The following ANK3 variants were observed in gnomAD, a reference collection of about 807,000 sequenced individuals.
ANK3 encodes ankyrin-3.
A neutral mutation model predicts 370.9 loss-of-function variants in ANK3; 57 were observed. The observed-to-expected ratio is 0.15, with a 90% CI of 0.12 to 0.19. The LOEUF (loss-of-function observed/expected upper bound fraction) is 0.19. ANK3 is among the 10% of genes least tolerant of loss of function. The pLI is 1.00. For synonymous variants in ANK3, 1,929 were observed against 1,946.3 expected (o/e 0.99, Z 0.23); for missense variants, 4,439 against 5,302.1 (o/e 0.84, Z 5.06).
chr10:60,380,118 T>C (rs962105770), intron 1 of ANK3, among the ~76,000 whole-genome samples: 1 of 152,186 alleles, frequency 6.6e-6, no homozygotes, highest in Non-Finnish European at 1.5e-5. Context: ...ATTATAGTAC[T>C]GTTAAGGTAG....
chr10:60,684,408 T>C, intron 1 of ANK3: 1 of 676,818 alleles, frequency 1.5e-6, no homozygotes, highest in Non-Finnish European at 2.4e-6. Flanking sequence ...GAGGGAAGGA[T>C]GGTTAGTCAA....
At position 60,027,223 on chromosome 10, in the gene ANK3, TTAGA is replaced by T. The variant is rs2072444825; in HGVS notation, c.*2619_*2622del. 1 of 151,672 alleles carries T rather than the reference TTAGA, an allele frequency of 6.6e-6. No individual in the cohort carries two copies. Among genetic ancestry groups the T allele is most frequent in the Non-Finnish European group, 1.5e-5 (1 of 67,960 alleles). The allele number at this position is 151,672 out of a possible 1,614,324, so 9.4% of individuals were successfully genotyped here. The stretch of plus-strand genomic sequence containing the variant: ...AGACTGAGTCAGAAATTCGTAACTC[TTAGA>T]TAGGAAGTTAGGACACCTATATTCT... On this transcript the variant is annotated 3_prime_UTR_variant, in exon 44 of 44. Coordinates refer to ENST00000280772, the MANE Select transcript of ANK3 (RefSeq NM_020987.5).
intron 42 of ANK3, chr10:60,044,391 A>G: frequency 4.4e-6 from 4 of 910,644 alleles, no homozygotes; most frequent in Non-Finnish European, 5.2e-6. Context: ...CTAGATGGAG[A>G]AATCTCCACA....
intron 42 of ANK3, among the ~76,000 whole-genome samples, chr10:60,046,829 T>C (rs958269054): frequency 2.3e-5 from 3 of 130,684 alleles, no homozygotes; most frequent in African/African-American, 9.0e-5. Context: ...TTTTTTGAGA[T>C]GGAGTCTCGC....
At chr10:60,305,620 T>C (rs1218909201) in intron 1 of ANK3, among the ~76,000 whole-genome samples, 3 of 152,184 alleles carry the variant, frequency 2.0e-5, no homozygotes, top group Non-Finnish European at 4.4e-5. Context: ...CCAGGATAAA[T>C]AATCCCTACT....
intron 1 of ANK3, among the ~76,000 whole-genome samples, chr10:60,679,292 C>T (rs1404926823): frequency 6.6e-6 from 1 of 151,998 alleles, no homozygotes; most frequent in Non-Finnish European, 1.5e-5. Flanking sequence ...AGGAGAGGGC[C>T]CCCCTCCCAC....
chr10:60,274,469 A>T (rs549101974), intron 4 of ANK3, among the ~76,000 whole-genome samples: 1 of 152,198 alleles, frequency 6.6e-6, no homozygotes, highest in African/African-American at 2.4e-5. Flanking sequence ...AGAATTACCT[A>T]TTCCCCATTA....
intron 8 of ANK3, among the ~76,000 whole-genome samples, chr10:60,227,597 A>G (rs2097182396): frequency 6.6e-6 from 1 of 152,014 alleles, no homozygotes; most frequent in South Asian, 2.1e-4. Flanking sequence ...ATAGCAGTGT[A>G]TTTTATTTTT....
At chr10:60,344,552 G>A (rs1400767891) in intron 1 of ANK3, among the ~76,000 whole-genome samples, 2 of 152,020 alleles carry the variant, frequency 1.3e-5, no homozygotes, top group African/African-American at 4.8e-5. Flanking sequence ...CCACGCACAC[G>A]GGCCATTATA....
intron 1 of ANK3, among the ~76,000 whole-genome samples, chr10:60,301,264 G>A (rs987264317): frequency 1.3e-4 from 18 of 142,904 alleles, no homozygotes; most frequent in Admixed American, 1.1e-3. Context: ...ACACATGCAC[G>A]CACACATATA....
chr10:60,459,597 G>T (rs1289774092), intron 2 of ANK3, among the ~76,000 whole-genome samples: 1 of 152,038 alleles, frequency 6.6e-6, no homozygotes, highest in Admixed American at 6.6e-5. Flanking sequence ...TTCTCTTTCT[G>T]ACTGATTGCT....
intron 1 of ANK3, among the ~76,000 whole-genome samples, chr10:60,690,425 G>A (rs1279929421): frequency 2.0e-5 from 3 of 152,272 alleles, no homozygotes; most frequent in South Asian, 2.1e-4. Flanking sequence ...AACGGTATAA[G>A]GAAGTCCAAA....
chr10:60,420,392 T>A lies in ANK3; in HGVS notation c.97-140753A>T, dbSNP rs777803826. Among the ~76,000 whole-genome samples the A allele has an allele frequency of 7.8e-4, 119 of 152,118 alleles. 1 individual carries two copies. Among genetic ancestry groups the A allele is most frequent in the Non-Finnish European group, 1.1e-3 (78 of 67,968 alleles). The stretch of plus-strand genomic sequence containing the variant: ...AGCATCTTCTCTCAGAAACTTACAG[T>A]CTAGCTGAAGAGAGAAGGAGCTTTA... On this transcript the variant is annotated intron_variant, in intron 2 of 43. Transcript: ENST00000373827.
intron 25 of ANK3, among the ~76,000 whole-genome samples, chr10:60,131,853 C>T (rs980466566): frequency 1.3e-5 from 2 of 152,074 alleles, no homozygotes. Flanking sequence ...ATTTCGGGCC[C>T]TTGACCCATA....
At chr10:60,451,465 C>T (rs1054489413) in intron 2 of ANK3, among the ~76,000 whole-genome samples, 4 of 152,170 alleles carry the variant, frequency 2.6e-5, no homozygotes, top group African/African-American at 9.7e-5. Context: ...TGGTCTAGTG[C>T]TCAGCTTATT....
intron 1 of ANK3, among the ~76,000 whole-genome samples, chr10:60,368,393 G>A (rs955858985): frequency 6.6e-6 from 1 of 152,180 alleles, no homozygotes; most frequent in Non-Finnish European, 1.5e-5. Flanking sequence ...TCACCCCACA[G>A]AGGCTGATAG....
chr10:60,701,577 T>G (rs1420939603), intron 1 of ANK3, among the ~76,000 whole-genome samples: 1 of 152,192 alleles, frequency 6.6e-6, no homozygotes, highest in Non-Finnish European at 1.5e-5. Context: ...CAATAGCATT[T>G]ATTGCTGCTG....
chr10:60,368,447 G>A (rs772703072), intron 1 of ANK3, among the ~76,000 whole-genome samples: 14 of 152,076 alleles, frequency 9.2e-5, no homozygotes, highest in Non-Finnish European at 1.8e-4. Context: ...TGCGGGGGGT[G>A]TACTGAGCTG....
intron 7 of ANK3, among the ~76,000 whole-genome samples, chr10:60,237,827 T>G (rs565332505): frequency 6.6e-6 from 1 of 152,306 alleles, no homozygotes; most frequent in African/African-American, 2.4e-5. Context: ...AATTTCATTT[T>G]ACCCTCACAG....
Sources: allele counts gnomAD v4.1 joint callset (sites outside exome capture counted in the v4.1 genomes callset), GRCh38; gene constraint gnomAD v4.1.1; transcripts MANE v1.5; gene names NCBI Gene and HGNC (gene_info 2026-07-23, HGNC 2026-07-21).